Variants in ATP8B2 observed in about 807,000 individuals in gnomAD.
ATP8B2 encodes the protein ATPase phospholipid transporting 8B2.
In ATP8B2, 70 loss-of-function variants were observed where a neutral mutation model predicts 133.4. The ratio of observed to expected loss-of-function variants is 0.52; its 90% CI spans 0.43 to 0.64. The LOEUF (loss-of-function observed/expected upper bound fraction) is 0.64, where lower values mean the gene tolerates loss of function less well. ATP8B2 is among the 30% of genes least tolerant of loss of function. ATP8B2 has a pLI of 0.00. For missense variants in ATP8B2, 1,101 were observed against 1,535.7 expected (o/e 0.72, Z 4.73); for synonymous variants, 517 against 589.5 (o/e 0.88, Z 1.78).
At chr1:154,333,138 T>C (rs1381865181) in intron 9 of ATP8B2, among the ~76,000 whole-genome samples, 2 of 152,238 alleles carry the variant, frequency 1.3e-5, no homozygotes, top group East Asian at 3.9e-4. Context: ...GGTGAAACCC[T>C]GTCTCTATTA....
intron 12 of ATP8B2, 163 bp downstream of exon 12, chr1:154,337,707 CTT>C (rs1558271458): frequency 2.6e-6 from 4 of 1,552,536 alleles, no homozygotes. Flanking sequence ...GCAGAGCAAA[CTT>C]TTTACCACAG....
At position 154,348,972 on chromosome 1, in the gene ATP8B2, T is replaced by C; in HGVS notation, c.3427T>C (p.Ser1143Pro). 1 of 1,614,248 alleles carries C rather than the reference T, an allele frequency of 6.2e-7. No individual in the cohort carries two copies. Residue 1143 changes from serine (S) to proline (P), a missense_variant, in exon 28 of 28, where the codon TCT becomes CCT. By Grantham distance (74) the Ser-to-Pro change is moderately conservative. Coordinates refer to ENST00000368489, the MANE Select transcript of ATP8B2 (RefSeq NM_001370597.1). Reference sequence around the variant, plus strand: ...GGAGGGCTTCGGGGAGCTCATCATGTCTGGCAAGAACATGCGGCTGAGCTC... The same window carrying C: ...GGAGGGCTTCGGGGAGCTCATCATGCCTGGCAAGAACATGCGGCTGAGCTC... Reference protein sequence around the residue: ...HQEGFGELIMSGKNMRLSSLA... With the variant: ...HQEGFGELIMPGKNMRLSSLA...
At chr1:154,339,047 C>T (rs1220450370) in intron 12 of ATP8B2, among the ~76,000 whole-genome samples, 1 of 152,204 alleles carries the variant, frequency 6.6e-6, no homozygotes, top group Non-Finnish European at 1.5e-5. Flanking sequence ...GATAAGGGAA[C>T]CTGTGACATT....
At position 154,344,619 on chromosome 1, in the gene ATP8B2, C is replaced by T. The variant is rs372512353; in HGVS notation, c.2142-22C>T. On this transcript the variant is annotated intron_variant, in intron 20 of 27. Transcript: ENST00000368489. The surrounding 1 kb of genome is among the most constrained non-coding windows in gnomAD (Gnocchi z 4.1). ...CACTGCCGTTCTGGAAGACCACAAC[C>T]GTATCATTTCCACCTCGACAGGAAA... 2.0e-4 allele frequency: 315 copies of T among 1,606,712 alleles called. No individual in the cohort carries two copies. Among genetic ancestry groups the T allele is most frequent in the Non-Finnish European group, 2.5e-4 (289 of 1,174,000 alleles).
At position 154,334,827 on chromosome 1, in the gene ATP8B2, T is replaced by C. The variant is rs1686118990; in HGVS notation, c.837+236T>C. Among the ~76,000 whole-genome samples the C allele has an allele frequency of 6.6e-6, 1 of 152,166 alleles. No individual in the cohort carries two copies. Among genetic ancestry groups the C allele is most frequent in the Non-Finnish European group, 1.5e-5 (1 of 68,028 alleles). On this transcript the variant is annotated intron_variant, in intron 11 of 27. Transcript: ENST00000368489. This position sits in a 1 kb window ranked among gnomAD's most constrained non-coding sequence, Gnocchi z 4.6. ...ACTTAAAGCTAAAACAAATCATCCC[T>C]TCTCTGATTCCAGTTATGATGATGA...
Position 154,340,249 on chromosome 1 carries a change from C to A in ATP8B2, c.1035-605C>A, listed in dbSNP as rs770256769. Among the ~76,000 whole-genome samples, 36 of 152,288 alleles carry A rather than the reference C, an allele frequency of 2.4e-4. No individual in the cohort carries two copies. The highest frequency in any genetic ancestry group is 4.6e-4 in the Non-Finnish European group (31 of 68,018). On this transcript the variant is annotated intron_variant, in intron 12 of 27. Transcript: ENST00000368489. This position sits in a 1 kb window ranked among gnomAD's most constrained non-coding sequence, Gnocchi z 4.0. Reference sequence around the variant, plus strand: ...TGAAGTGGTGGTGTTCTGCAGATGCCCAGGGCCCTCTCCCTCTGGAGTCAG... The same window carrying A: ...TGAAGTGGTGGTGTTCTGCAGATGCACAGGGCCCTCTCCCTCTGGAGTCAG...
rs3811452 is a variant in ATP8B2, at chr1:154,349,326, C to A, written c.*208C>A. The A allele has an allele frequency of 4.1e-6, 3 of 724,924 alleles. No individual in the cohort carries two copies. The African/African-American group carries it at 5.3e-5, about 13-fold the overall frequency. The allele number at this position is 724,924 out of a possible 1,614,324, so 44.9% of individuals were successfully genotyped here. On this transcript the variant is annotated 3_prime_UTR_variant, in exon 28 of 28. Transcript: ENST00000368489. Reference sequence around the variant, plus strand: ...CAGCTGGGGAGCTAGAGGGAGCAGGCCCAAGGGCAGAGCAGAGGCTGAGGC... The same window carrying A: ...CAGCTGGGGAGCTAGAGGGAGCAGGACCAAGGGCAGAGCAGAGGCTGAGGC...
At chr1:154,337,747 G>GGA in intron 12 of ATP8B2, 4 of 1,483,622 alleles carry the variant, frequency 2.7e-6, no homozygotes, top group Non-Finnish European at 3.6e-6. Context: ...CTGTATTAGA[G>GGA]AAAAAAAAAT....
chr1:154,342,739 C>T (rs1686429080), intron 14 of ATP8B2, 57 bp from the exon 15 acceptor site: 1 of 1,582,050 alleles, frequency 6.3e-7, no homozygotes. Context: ...ATGAACCCTT[C>T]CCCGGGATGC....
intron 14 of ATP8B2, 47 bp from the exon 15 acceptor site, chr1:154,342,749 C>T (rs1265575421): frequency 1.3e-6 from 2 of 1,593,164 alleles, no homozygotes; most frequent in Non-Finnish European, 1.7e-6. Context: ...CCCCGGGATG[C>T]AGCCTGGCAC....
rs1209394978 is a variant in ATP8B2, at chr1:154,348,440, G to C, written c.3196G>C (p.Val1066Leu). 1 of 1,613,106 alleles carries C rather than the reference G, an allele frequency of 6.2e-7. No individual in the cohort carries two copies. Among genetic ancestry groups the C allele is most frequent in the Non-Finnish European group, 8.5e-7 (1 of 1,179,260 alleles). ...NAQNTLAQPT[V>L]WLTIVLTTVV... ...CCAGAACACCTTGGCCCAGCCCACG[G>C]TGTGGCTGACCATTGTGCTCACCAC... Residue 1066 changes from valine to leucine, a missense_variant, in exon 27 of 28, where the codon GTG becomes CTG. Transcript: ENST00000368489.
In ATP8B2 at chr1:154,346,651, T is replaced by C; in HGVS notation, c.3056T>C (p.Ile1019Thr). The C allele has an allele frequency of 1.3e-5, 21 of 1,614,196 alleles. No individual in the cohort carries two copies. Among genetic ancestry groups the C allele is most frequent in the Non-Finnish European group, 1.7e-5 (20 of 1,180,050 alleles). Residue 1019 changes from isoleucine to threonine, a missense_variant, in exon 26 of 28, where the codon ATC becomes ACC. Coordinates refer to ENST00000368489, the MANE Select transcript of ATP8B2 (RefSeq NM_001370597.1). The surrounding 1 kb of genome is among the most constrained non-coding windows in gnomAD (Gnocchi z 4.5). ...CTCGACACAGGCTACTGGACGGCCA[T>C]CAACCACTTCTTCATCTGGGGAAGC... ...IGLDTGYWTA[I>T]NHFFIWGSLA...
Position 154,344,925 on chromosome 1 carries a change from G to A in ATP8B2, c.2287-46G>A. The A allele has an allele frequency of 6.4e-7, 1 of 1,573,876 alleles. No homozygotes were observed. Among genetic ancestry groups the A allele is most frequent in the Non-Finnish European group, 8.6e-7 (1 of 1,158,470 alleles). On this transcript the variant is annotated intron_variant, in intron 21 of 27. Transcript: ENST00000368489. The surrounding 1 kb of genome is among the most constrained non-coding windows in gnomAD (Gnocchi z 4.1). ...GACTGGGAGGAGCTGAGACTCCCAG[G>A]TGTCTCCTGGAAAGACTGGCTCTCT...
rs1447666077 is a variant in ATP8B2, at chr1:154,331,152, T to TCA, written c.303+6_303+7insCA. ...AAGATGCCACTGATGACTATGTGAGTGGTTTTCATTCTTCTATTTTGTCCC... is the reference window on the plus strand; with the variant it reads ...AAGATGCCACTGATGACTATGTGAGTCAGGTTTTCATTCTTCTATTTTGTCCC... On this transcript the variant is annotated splice_region_variant and intron_variant, in intron 5 of 27. Transcript: ENST00000368489. This position sits in a 1 kb window ranked among gnomAD's most constrained non-coding sequence, Gnocchi z 4.8. 1 of 1,611,208 alleles carries TCA rather than the reference T, an allele frequency of 6.2e-7. No individual in the cohort carries two copies.
rs1412084128 is a variant in ATP8B2, at chr1:154,346,271, A to T, written c.2819A>T (p.Tyr940Phe). 1 of 1,614,174 alleles carries T rather than the reference A, an allele frequency of 6.2e-7. No individual in the cohort carries two copies. The highest frequency in any genetic ancestry group is 8.5e-7 in the Non-Finnish European group (1 of 1,180,030). Residue 940 changes from tyrosine (Y) to phenylalanine (F), a missense_variant, in exon 25 of 28, where the codon TAT becomes TTT. Tyr to Phe is a conservative substitution (Grantham distance 22, BLOSUM62 3). Transcript: ENST00000368489. The surrounding 1 kb of genome is among the most constrained non-coding windows in gnomAD (Gnocchi z 4.5). ...CGGAGCATGGAGTACCCTAAGCTGT[A>T]TGAGCCGGGCCAGCTGAACCTTCTC... ...EQRSMEYPKL[Y>F]EPGQLNLLFN...
rs1242250786 is a variant in ATP8B2, at chr1:154,346,774, C to T, written c.3163+16C>T. 5 of 1,613,236 alleles carry T rather than the reference C, an allele frequency of 3.1e-6. No homozygotes were observed. The Admixed American group carries it at 5.0e-5, about 16-fold the overall frequency. ...CGGTTTGTGGGTAAGTCCCCGTGGC[C>T]TCCTTGAATCGGTGAGGAATCACAG... On this transcript the variant is annotated intron_variant, in intron 26 of 27. Coordinates refer to ENST00000368489, the MANE Select transcript of ATP8B2 (RefSeq NM_001370597.1). This position sits in a 1 kb window ranked among gnomAD's most constrained non-coding sequence, Gnocchi z 4.5.
chr1:154,327,739 T>C (rs1685838199), intron 1 of ATP8B2: 3 of 1,534,416 alleles, frequency 2.0e-6, no homozygotes, highest in Non-Finnish European at 2.7e-6. Context: ...AACTGCTTTC[T>C]AGTAAGCACA....
chr1:154,335,089 C>A (rs1384756538), intron 11 of ATP8B2, among the ~76,000 whole-genome samples: 1 of 152,192 alleles, frequency 6.6e-6, no homozygotes, highest in Non-Finnish European at 1.5e-5. Flanking sequence ...CTCTCCTCCC[C>A]TTCCTGTGCC....
chr1:154,335,102 G>A (rs778666248), intron 11 of ATP8B2, among the ~76,000 whole-genome samples: 3 of 152,100 alleles, frequency 2.0e-5, no homozygotes, highest in Non-Finnish European at 4.4e-5. Context: ...CCTGTGCCCC[G>A]ACTGTCTGCT....
Sources: allele counts gnomAD v4.1 joint callset (sites outside exome capture counted in the v4.1 genomes callset), GRCh38; gene constraint gnomAD v4.1.1; non-coding constraint Gnocchi (gnomAD v3.1); transcripts MANE v1.5; gene names NCBI Gene and HGNC (gene_info 2026-07-23, HGNC 2026-07-21).